The following LYPLA1 variants were observed in gnomAD, a reference collection of about 807,000 sequenced individuals.
The protein encoded by LYPLA1 is lysophospholipase 1, also known as acyl-protein thioesterase 1.
In LYPLA1, 17 loss-of-function variants were observed where a neutral mutation model predicts 34.0. That is an observed-to-expected ratio of 0.50 (90% CI 0.34 to 0.75). LYPLA1 has a LOEUF of 0.75. Among genes scored for constraint, LYPLA1 ranks in the 30% least tolerant of loss-of-function variants. The probability of loss-of-function intolerance (pLI) is 0.01; values close to 1 mark genes in which losing one functional copy is unlikely to be tolerated. For synonymous variants in LYPLA1, 98 were observed against 100.8 expected (o/e 0.97, Z 0.17); for missense variants, 203 against 288.8 (o/e 0.70, Z 2.15).
intron 2 of LYPLA1, among the ~76,000 whole-genome samples, chr8:54,089,996 C>A (rs1266054248): frequency 6.6e-6 from 1 of 152,186 alleles, no homozygotes; most frequent in Non-Finnish European, 1.5e-5. Flanking sequence ...ACTGCCAGAA[C>A]GAGCCAACAG....
intron 8 of LYPLA1, among the ~76,000 whole-genome samples, chr8:54,050,350 TG>T (rs1259528070): frequency 6.6e-5 from 10 of 152,328 alleles, no homozygotes; most frequent in African/African-American, 2.2e-4. Context: ...TAAATCCTGC[TG>T]GATCACCTGT....
chr8:54,050,930 G>A, intron 8 of LYPLA1, 82 bp downstream of exon 8: 1 of 1,379,428 alleles, frequency 7.2e-7, no homozygotes, highest in Non-Finnish European at 9.9e-7. Flanking sequence ...AAATCCCCAA[G>A]CATTCAAATG....
chr8:54,051,022 G>T lies in LYPLA1; in HGVS notation c.629C>A (p.Ser210Ter), dbSNP rs371316608. The change falls in exon 8 of 9, where the codon TCG becomes TAG. Residue 210 changes from serine (S) to a stop codon, truncating the protein, a stop_gained. Coordinates refer to ENST00000316963, the MANE Select transcript of LYPLA1 (RefSeq NM_006330.4). LOFTEE classifies it high-confidence loss of function. ...CTTCTAGACACCTACCTGTTGACAC[G>T]AACTGTGCATCATACCTTCATAGGT... The part of the protein sequence containing the change: ...FKTYEGMMHS[S>*]CQQEMMDVKQ... 6.2e-7 allele frequency: 1 copy of T among 1,607,410 alleles called. No homozygotes were observed. The highest frequency in any genetic ancestry group is 1.3e-5 in the African/African-American group (1 of 74,784).
At chr8:54,073,300 C>G in intron 2 of LYPLA1, 1 of 889,522 alleles carries the variant, frequency 1.1e-6, no homozygotes, top group South Asian at 1.3e-5. Flanking sequence ...TGCCTGCCCC[C>G]TCTCCTTCTA....
intron 5 of LYPLA1, among the ~76,000 whole-genome samples, chr8:54,058,945 G>C (rs542572410): frequency 2.9e-4 from 44 of 152,244 alleles, no homozygotes; most frequent in African/African-American, 1.0e-3. Flanking sequence ...TCTTTGTTCA[G>C]TAGCACATTC....
At chr8:54,085,970 A>G (rs1808727672) in intron 2 of LYPLA1, among the ~76,000 whole-genome samples, 1 of 152,172 alleles carries the variant, frequency 6.6e-6, no homozygotes, top group African/African-American at 2.4e-5. Context: ...CATGATGACG[A>G]TGGCGGTTTT....
intron 2 of LYPLA1, among the ~76,000 whole-genome samples, chr8:54,080,413 CT>C (rs1808225884): frequency 6.6e-6 from 1 of 152,138 alleles, no homozygotes; most frequent in South Asian, 2.1e-4. Flanking sequence ...TAAAATAAAG[CT>C]TCAATTATGT....
intron 8 of LYPLA1, among the ~76,000 whole-genome samples, chr8:54,048,980 GC>G (rs1805657859): frequency 6.6e-6 from 1 of 152,148 alleles, no homozygotes; most frequent in Non-Finnish European, 1.5e-5. Flanking sequence ...GTGATACAAA[GC>G]CCATGAAGAA....
intron 8 of LYPLA1, 74 bp from the exon 9 acceptor site, chr8:54,048,192 TA>T (rs1054924879): frequency 2.9e-5 from 26 of 888,376 alleles, no homozygotes; most frequent in Middle Eastern, 4.3e-4. Flanking sequence ...AAAATGCCAC[TA>T]ATCAAATCTA....
intron 2 of LYPLA1, among the ~76,000 whole-genome samples, chr8:54,096,132 C>T (rs989651942): frequency 2.0e-5 from 3 of 152,266 alleles, no homozygotes; most frequent in Middle Eastern, 3.4e-3. Context: ...TGAGGCAACA[C>T]GCCTGCAACT....
chr8:54,073,098 G>A (rs1807613380), intron 2 of LYPLA1: 5 of 659,168 alleles, frequency 7.6e-6, no homozygotes, highest in Middle Eastern at 4.3e-4. Context: ...GTTAAGGGTT[G>A]GGCCATCAGG....
intron 4 of LYPLA1, among the ~76,000 whole-genome samples, chr8:54,062,794 G>C (rs1806755946): frequency 6.6e-6 from 1 of 152,152 alleles, no homozygotes; most frequent in Non-Finnish European, 1.5e-5. Context: ...TTATAGGTGT[G>C]AGCCACCATG....
Position 54,085,249 on chromosome 8 carries a change from AG to A in LYPLA1, c.101+15658del, listed in dbSNP as rs1431747135. 2.6e-4 allele frequency among the ~76,000 whole-genome samples: 39 copies of A among 152,208 alleles called. 1 individual carries two copies. Among genetic ancestry groups the A allele is most frequent in the Admixed American group, 2.4e-3 (36 of 15,286 alleles). ...GTGATCTGCCAGCCTCGGCATCCCG[AG>A]GTGCCGGGATTGCAGACGGAGTCTC... is the stretch of plus-strand genomic sequence containing the variant. On this transcript the variant is annotated intron_variant, in intron 2 of 8. Transcript: ENST00000316963.
intron 2 of LYPLA1, among the ~76,000 whole-genome samples, chr8:54,098,553 C>T (rs1472305208): frequency 1.3e-5 from 2 of 152,134 alleles, no homozygotes; most frequent in Non-Finnish European, 2.9e-5. Flanking sequence ...TGGTAGCACG[C>T]GCCTGTAATC....
intron 5 of LYPLA1, among the ~76,000 whole-genome samples, chr8:54,057,642 A>C (rs1336916581): frequency 6.6e-6 from 1 of 152,308 alleles, no homozygotes; most frequent in Admixed American, 6.5e-5. Flanking sequence ...CAGTAGTAGA[A>C]GTATGGTTAT....
rs1484820462 is a variant in LYPLA1, at chr8:54,052,838, T to A, written c.361-82A>T. The A allele has an allele frequency of 1.4e-5, 12 of 850,086 alleles. No homozygotes were observed. The East Asian group carries it at 1.7e-4, about 12-fold the overall frequency. The allele number at this position is 850,086 out of a possible 1,614,324, so 52.7% of individuals were successfully genotyped here. A position where few individuals can be genotyped will look rare whatever the true frequency, so the allele number is the denominator to read the frequency against. ...AGGGAATATCTTGTTACTAATGATA[T>A]CCATAAAAAAATCAAACTTGGTGGC... On this transcript the variant is annotated intron_variant, in intron 6 of 8. Coordinates refer to ENST00000316963, the MANE Select transcript of LYPLA1 (RefSeq NM_006330.4).
In LYPLA1 at chr8:54,046,370, C is replaced by A. The variant is rs191070722; in HGVS notation, c.*1695G>T. Reference sequence around the variant, plus strand: ...CCAAATATTAAAATACTCAAAGTCACAGAAAAGTCAGAATTAAATTTTATT... The same window carrying A: ...CCAAATATTAAAATACTCAAAGTCAAAGAAAAGTCAGAATTAAATTTTATT... On this transcript the variant is annotated 3_prime_UTR_variant, in exon 9 of 9. Coordinates refer to ENST00000316963, the MANE Select transcript of LYPLA1 (RefSeq NM_006330.4). 1 of 152,640 alleles carries A rather than the reference C, an allele frequency of 6.6e-6. No homozygotes were observed. The highest frequency in any genetic ancestry group is 2.4e-5 in the African/African-American group (1 of 41,550). 9.5% of individuals were successfully genotyped at this position (152,640 alleles called of 1,614,324 possible). A position where few individuals can be genotyped will look rare whatever the true frequency, so the allele number is the denominator to read the frequency against.
chr8:54,072,638 A>G (rs1368112094), intron 2 of LYPLA1, among the ~76,000 whole-genome samples: 1 of 152,002 alleles, frequency 6.6e-6, no homozygotes, highest in African/African-American at 2.4e-5. Flanking sequence ...AAAAAAAATC[A>G]AACAACCCCA....
At chr8:54,080,732 C>G (rs916028880) in intron 2 of LYPLA1, among the ~76,000 whole-genome samples, 5 of 152,094 alleles carry the variant, frequency 3.3e-5, no homozygotes, top group Admixed American at 6.6e-5. Context: ...GGACTACAGG[C>G]CTGTGCCACC....
Sources: gnomAD v4.1 joint callset for allele counts (sites outside exome capture counted in the v4.1 genomes callset) on GRCh38, gnomAD v4.1.1 for gene constraint, MANE v1.5 for transcripts, NCBI Gene and HGNC (gene_info 2026-07-23, HGNC 2026-07-21) for gene names.